RAB3GAP1: variants seen among roughly 807,000 people sequenced by gnomAD.
RAB3GAP1 encodes the protein rab3 GTPase-activating protein catalytic subunit.
In RAB3GAP1, 86 loss-of-function variants were observed where a neutral mutation model predicts 130.7. That is an observed-to-expected ratio of 0.66 (90% CI 0.55 to 0.79). RAB3GAP1 has a LOEUF of 0.79. Among genes scored for constraint, RAB3GAP1 ranks in the 30% least tolerant of loss-of-function variants. RAB3GAP1 has a pLI of 0.00. For synonymous variants in RAB3GAP1, 367 were observed against 401.7 expected (o/e 0.91, Z 1.03); for missense variants, 1,029 against 1,169.4 (o/e 0.88, Z 1.75).
intron 4 of RAB3GAP1, among the ~76,000 whole-genome samples, chr2:135,092,539 C>G (rs1574101588): frequency 6.6e-6 from 1 of 152,292 alleles, no homozygotes; most frequent in South Asian, 2.1e-4. Context: ...CGGGTTCAAG[C>G]AAATCTCCTG....
intron 3 of RAB3GAP1, among the ~76,000 whole-genome samples, chr2:135,071,864 G>A (rs1689483073): frequency 6.6e-6 from 1 of 152,190 alleles, no homozygotes; most frequent in South Asian, 2.1e-4. Context: ...GACTCTGTAG[G>A]TCATTGTCCT....
chr2:135,164,666 C>A lies in RAB3GAP1; in HGVS notation c.2679C>A (p.Ile893=). ...CAGGAAGAGGACATGCTGGCAGGAT[C>A]ATTCACAAGCTGTTTGTGAATGCCC... is the stretch of plus-strand genomic sequence containing the variant. ...TGAGRGHAGR[I]IHKLFVNAQR... is the part of the protein sequence containing the mutation. The change falls in exon 23 of 24, where the codon ATC becomes ATA. Residue 893 remains isoleucine (I), a synonymous_variant. Transcript: ENST00000264158. The A allele has an allele frequency of 1.2e-6, 2 of 1,612,568 alleles. No individual in the cohort carries two copies. The highest frequency in any genetic ancestry group is 2.2e-5 in the South Asian group (2 of 90,976).
At chr2:135,157,288 G>A (rs1692338340) in intron 19 of RAB3GAP1, among the ~76,000 whole-genome samples, 1 of 152,050 alleles carries the variant, frequency 6.6e-6, no homozygotes, top group African/African-American at 2.4e-5. Context: ...GAAAGTGTTG[G>A]GATTACAAGT....
chr2:135,098,118 G>T (rs570201051), intron 5 of RAB3GAP1, among the ~76,000 whole-genome samples: 1 of 152,198 alleles, frequency 6.6e-6, no homozygotes, highest in South Asian at 2.1e-4. Context: ...CATCTTTCGT[G>T]TGTTTATTTG....
At chr2:135,067,495 A>C (rs918328915) in intron 3 of RAB3GAP1, among the ~76,000 whole-genome samples, 2 of 152,196 alleles carry the variant, frequency 1.3e-5, no homozygotes, top group African/African-American at 4.8e-5. Flanking sequence ...GATTCATTCA[A>C]ATTGGAAGTT....
chr2:135,088,603 C>T (rs1383791283), intron 3 of RAB3GAP1, among the ~76,000 whole-genome samples: 11 of 149,096 alleles, frequency 7.4e-5, no homozygotes, highest in Non-Finnish European at 7.4e-5. Flanking sequence ...GCAGGAGAAT[C>T]GCTTAAACTT....
chr2:135,059,434 T>A (rs1399634551), intron 3 of RAB3GAP1, among the ~76,000 whole-genome samples: 1 of 152,144 alleles, frequency 6.6e-6, no homozygotes, highest in Non-Finnish European at 1.5e-5. Flanking sequence ...CAAGATAAGA[T>A]CAGTGTTGCC....
intron 5 of RAB3GAP1, among the ~76,000 whole-genome samples, chr2:135,094,648 T>C (rs1303769169): frequency 6.6e-6 from 1 of 152,172 alleles, no homozygotes; most frequent in Non-Finnish European, 1.5e-5. Flanking sequence ...TTAAATCTTC[T>C]TGTAAAACTT....
At chr2:135,096,615 A>T (rs2104884310) in intron 5 of RAB3GAP1, among the ~76,000 whole-genome samples, 2 of 152,298 alleles carry the variant, frequency 1.3e-5, no homozygotes, top group Middle Eastern at 3.4e-3. Context: ...TCAGAGCATG[A>T]GCTTTGTATG....
intron 6 of RAB3GAP1, 32 bp downstream of exon 6, chr2:135,113,302 A>T (rs368519598): frequency 6.2e-7 from 1 of 1,612,282 alleles, no homozygotes; most frequent in African/African-American, 1.3e-5. Context: ...CCTAGACAAA[A>T]AAACTGTTTT....
In RAB3GAP1 at chr2:135,117,042, T is replaced by TA. The variant is rs571206286; in HGVS notation, c.648+1671dup. Among the ~76,000 whole-genome samples the TA allele has an allele frequency of 5.5e-4, 83 of 150,380 alleles. 2 individuals are homozygous for TA. Among genetic ancestry groups the TA allele is most frequent in the Middle Eastern group, 3.5e-3 (1 of 288 alleles). On this transcript the variant is annotated intron_variant, in intron 7 of 23. Coordinates refer to ENST00000264158, the MANE Select transcript of RAB3GAP1 (RefSeq NM_012233.3). ...CTAACTAGATAAATCCCTTTGATAT[T>TA]AAAAAAAAAATAATGCATTTACGAG... is the stretch of plus-strand genomic sequence containing the variant.
At chr2:135,167,591 A>G (rs1159157067) in intron 23 of RAB3GAP1, 1 of 984,194 alleles carries the variant, frequency 1.0e-6, no homozygotes, top group Non-Finnish European at 1.5e-6. Flanking sequence ...AATGTAGTGC[A>G]TACTGTCTTT....
chr2:135,140,427 A>C (rs1159465167), intron 17 of RAB3GAP1, among the ~76,000 whole-genome samples: 3 of 152,210 alleles, frequency 2.0e-5, no homozygotes, highest in African/African-American at 4.8e-5. Flanking sequence ...GACCACTCCC[A>C]GGTTTAGTGA....
intron 3 of RAB3GAP1, among the ~76,000 whole-genome samples, chr2:135,073,483 C>A (rs368778817): frequency 6.6e-6 from 1 of 152,206 alleles, no homozygotes; most frequent in South Asian, 2.1e-4. Flanking sequence ...GGCCTTTAGG[C>A]AGTCCCATTT....
intron 17 of RAB3GAP1, among the ~76,000 whole-genome samples, chr2:135,147,309 G>C (rs1692027955): frequency 6.7e-6 from 1 of 149,652 alleles, no homozygotes; most frequent in South Asian, 2.1e-4. Flanking sequence ...TCGCACCGCT[G>C]CACTTCAGCC....
chr2:135,146,711 G>A lies in RAB3GAP1; in HGVS notation c.1924-3658G>A, dbSNP rs868619586. On this transcript the variant is annotated intron_variant, in intron 17 of 23. Coordinates refer to ENST00000264158, the MANE Select transcript of RAB3GAP1 (RefSeq NM_012233.3). Reference sequence around the variant, plus strand: ...AAAAAACAGTAATAGATTAATTTGCGCATTCTAGAATTTTATGCAAATGGA... The same window carrying A: ...AAAAAACAGTAATAGATTAATTTGCACATTCTAGAATTTTATGCAAATGGA... Among the ~76,000 whole-genome samples the A allele has an allele frequency of 1.4e-4, 21 of 152,076 alleles. 1 individual carries two copies. The South Asian group carries it at 4.0e-3, about 29-fold the overall frequency.
chr2:135,166,608 C>T (rs1005806501), intron 23 of RAB3GAP1, among the ~76,000 whole-genome samples: 35 of 152,214 alleles, frequency 2.3e-4, no homozygotes, highest in Admixed American at 5.2e-4. Context: ...CTTAACCTCC[C>T]AAAGTGCTGA....
chr2:135,171,985 AG>A (rs1375667100), downstream of RAB3GAP1, among the ~76,000 whole-genome samples: 1 of 152,186 alleles, frequency 6.6e-6, no homozygotes, highest in Admixed American at 6.5e-5. Context: ...CTGTGGCTGA[AG>A]GGGAGTGAGG....
At chr2:135,136,967 A>C (rs1691694390) in intron 17 of RAB3GAP1, 2 of 230,976 alleles carry the variant, frequency 8.7e-6, no homozygotes, top group Non-Finnish European at 1.7e-5. Flanking sequence ...ATGTGTCTGT[A>C]GTTGCAGCTA....
Sources: allele counts gnomAD v4.1 joint callset (sites outside exome capture counted in the v4.1 genomes callset), GRCh38; gene constraint gnomAD v4.1.1; transcripts MANE v1.5; gene names NCBI Gene and HGNC (gene_info 2026-07-23, HGNC 2026-07-21).